LRMDA: variants seen among roughly 807,000 people sequenced by gnomAD.
LRMDA encodes the protein leucine rich melanocyte differentiation associated.
In LRMDA, 18 loss-of-function variants were observed where a neutral mutation model predicts 29.8. That is an observed-to-expected ratio of 0.60 (90% CI 0.42 to 0.90). LRMDA has a LOEUF of 0.90. LRMDA is among the 40% of genes least tolerant of loss of function. The pLI is 0.00. For missense variants in LRMDA, 273 were observed against 273.9 expected, an observed-to-expected ratio of 1.00 and a Z score of 0.02; for synonymous variants, 125 against 109.4, an observed-to-expected ratio of 1.14 and a Z score of -0.89.
chr10:76,111,294 G>A (rs374874461), intron 5 of LRMDA, among the ~76,000 whole-genome samples: 27 of 152,374 alleles, frequency 1.8e-4, no homozygotes, highest in South Asian at 1.7e-3. Context: ...CCTCAGGACA[G>A]GGACCGTATC....
At chr10:75,965,152 T>G (rs1268663952) in intron 2 of LRMDA, among the ~76,000 whole-genome samples, 1 of 152,112 alleles carries the variant, frequency 6.6e-6, no homozygotes, top group East Asian at 1.9e-4. Flanking sequence ...ATCTGTAAAA[T>G]GGAGAAAACA....
intron 2 of LRMDA, among the ~76,000 whole-genome samples, chr10:75,934,237 T>G (rs1846250138): frequency 6.6e-6 from 1 of 152,168 alleles, no homozygotes; most frequent in South Asian, 2.1e-4. Flanking sequence ...CACCTCAGAG[T>G]GTCCAGTGCC....
intron 2 of LRMDA, among the ~76,000 whole-genome samples, chr10:75,707,745 G>T (rs1429195149): frequency 3.9e-5 from 6 of 152,182 alleles, no homozygotes; most frequent in Non-Finnish European, 8.8e-5. Context: ...TGGCCGTGTT[G>T]TTTGGGTCCT....
At chr10:76,404,242 C>A (rs1007172259) in intron 6 of LRMDA, among the ~76,000 whole-genome samples, 1 of 152,174 alleles carries the variant, frequency 6.6e-6, no homozygotes, top group African/African-American at 2.4e-5. Context: ...TAGTGAAAAC[C>A]CTTTGATGTA....
chr10:76,145,505 T>C (rs1378912615), intron 5 of LRMDA, among the ~76,000 whole-genome samples: 2 of 152,168 alleles, frequency 1.3e-5, no homozygotes, highest in African/African-American at 2.4e-5. Flanking sequence ...TCTCTGATAG[T>C]AGTTTGTATT....
intron 2 of LRMDA, among the ~76,000 whole-genome samples, chr10:75,805,494 T>C (rs1843835698): frequency 6.6e-6 from 1 of 152,114 alleles, no homozygotes; most frequent in Non-Finnish European, 1.5e-5. Flanking sequence ...GGCACCTGAG[T>C]TGGGCAATGA....
intron 6 of LRMDA, among the ~76,000 whole-genome samples, chr10:76,540,243 C>T (rs950336121): frequency 2.6e-5 from 4 of 152,206 alleles, no homozygotes; most frequent in African/African-American, 9.6e-5. Flanking sequence ...AAAGATGTAA[C>T]TTTTCCATCT....
At chr10:76,245,272 C>G (rs1422711031) in intron 5 of LRMDA, among the ~76,000 whole-genome samples, 1 of 152,108 alleles carries the variant, frequency 6.6e-6, no homozygotes, top group East Asian at 1.9e-4. Context: ...CTGCCTGGTC[C>G]TATTGAGGAT....
chr10:75,484,350 A>G (rs1251830884), intron 2 of LRMDA, among the ~76,000 whole-genome samples: 1 of 152,186 alleles, frequency 6.6e-6, no homozygotes, highest in African/African-American at 2.4e-5. Flanking sequence ...CCCCCTTAGT[A>G]GTGATATCAC....
At chr10:75,612,071 A>G (rs1841039072) in intron 2 of LRMDA, among the ~76,000 whole-genome samples, 1 of 152,242 alleles carries the variant, frequency 6.6e-6, no homozygotes, top group African/African-American at 2.4e-5. Flanking sequence ...CTAGAACAAT[A>G]TAACTCATTC....
At chr10:75,607,879 C>A (rs1840976527) in intron 2 of LRMDA, among the ~76,000 whole-genome samples, 1 of 134,652 alleles carries the variant, frequency 7.4e-6, no homozygotes, top group South Asian at 2.4e-4. Flanking sequence ...TTTTAACCAG[C>A]TCTCTGGTTG....
intron 2 of LRMDA, among the ~76,000 whole-genome samples, chr10:75,797,797 A>G (rs950699813): frequency 2.0e-5 from 3 of 152,170 alleles, no homozygotes; most frequent in Non-Finnish European, 4.4e-5. Flanking sequence ...TTGTCAGTTG[A>G]TGATGAACAA....
chr10:76,131,457 T>G (rs1849990714), intron 5 of LRMDA, among the ~76,000 whole-genome samples: 1 of 152,196 alleles, frequency 6.6e-6, no homozygotes, highest in Non-Finnish European at 1.5e-5. Context: ...AATGGACATT[T>G]TTATGTTTGA....
rs79954073 is a variant in LRMDA, at chr10:75,793,163, C to A, written c.132-242845C>A. Reference sequence around the variant, plus strand: ...TAAGCTATACTCCATCTTCTTAGAGCCTGACACAATTGAGCTGGTGGCAGA... The same window carrying A: ...TAAGCTATACTCCATCTTCTTAGAGACTGACACAATTGAGCTGGTGGCAGA... On this transcript the variant is annotated intron_variant, in intron 2 of 6. Transcript: ENST00000611255. 8.7e-4 allele frequency among the ~76,000 whole-genome samples: 133 copies of A among 152,286 alleles called. 1 individual carries two copies. The highest frequency in any genetic ancestry group is 3.1e-3 in the African/African-American group (129 of 41,548).
chr10:75,782,803 T>A (rs1438410145), intron 2 of LRMDA: 2 of 1,427,220 alleles, frequency 1.4e-6, no homozygotes, highest in South Asian at 1.5e-5. Flanking sequence ...CAACTTTCAC[T>A]TGTTGAGAAC....
At chr10:75,743,115 C>G (rs1255859526) in intron 2 of LRMDA, among the ~76,000 whole-genome samples, 2 of 151,176 alleles carry the variant, frequency 1.3e-5, no homozygotes, top group African/African-American at 4.9e-5. Flanking sequence ...CACAAGGGAG[C>G]GAGGGAGCTG....
At chr10:76,192,010 C>T (rs1014660221) in intron 5 of LRMDA, among the ~76,000 whole-genome samples, 5 of 152,096 alleles carry the variant, frequency 3.3e-5, no homozygotes, top group African/African-American at 4.8e-5. Context: ...GTCTCGCGTG[C>T]GGTATGCCTG....
rs1306390042 is a variant in LRMDA, at chr10:76,558,344, G to GCAT, written c.*1058_*1060dup. 6.6e-6 allele frequency: 1 copy of GCAT among 152,192 alleles called. No homozygotes were observed. Among genetic ancestry groups the GCAT allele is most frequent in the Non-Finnish European group, 1.5e-5 (1 of 68,028 alleles). The allele number at this position is 152,192 out of a possible 1,614,324, so 9.4% of individuals were successfully genotyped here. On this transcript the variant is annotated 3_prime_UTR_variant, in exon 7 of 7. Transcript: ENST00000611255. The stretch of plus-strand genomic sequence containing the variant: ...AGAAGGCACAAACCTTTTGGATTTT[G>GCAT]CATCTTTGTCATGACCTCTCAGAAA...
chr10:75,827,599 T>A (rs1314977699), intron 2 of LRMDA, among the ~76,000 whole-genome samples: 2 of 152,220 alleles, frequency 1.3e-5, no homozygotes, highest in East Asian at 3.8e-4. Flanking sequence ...GTACAAGGGT[T>A]AGTGTTTGAG....
Sources: gnomAD v4.1 joint callset for allele counts (sites outside exome capture counted in the v4.1 genomes callset) on GRCh38, gnomAD v4.1.1 for gene constraint, MANE v1.5 for transcripts, NCBI Gene and HGNC (gene_info 2026-07-23, HGNC 2026-07-21) for gene names.